Variants in SLC22A15 observed in about 807,000 individuals in gnomAD.
The protein encoded by SLC22A15 is flipt 1.
SLC22A15 carries 45 observed loss-of-function variants against 62.7 expected under a neutral mutation model. That is an observed-to-expected ratio of 0.72 (90% CI 0.56 to 0.92). SLC22A15 has a LOEUF of 0.92. Ranked by LOEUF, SLC22A15 falls within the 40% of genes least tolerant of loss-of-function variation. The pLI is 0.00. For synonymous variants in SLC22A15, 264 were observed against 267.0 expected, an observed-to-expected ratio of 0.99 and a Z score of 0.11; for missense variants, 622 against 665.6, an observed-to-expected ratio of 0.93 and a Z score of 0.72.
chr1:116,016,802 G>A (rs1376434815), intron 2 of SLC22A15, among the ~76,000 whole-genome samples: 1 of 152,026 alleles, frequency 6.6e-6, no homozygotes, highest in Non-Finnish European at 1.5e-5. Flanking sequence ...ACATCTGACA[G>A]TCCTGCCTTC....
At chr1:115,983,028 C>T (rs1340039521) in intron 1 of SLC22A15, among the ~76,000 whole-genome samples, 1 of 152,214 alleles carries the variant, frequency 6.6e-6, no homozygotes, top group Non-Finnish European at 1.5e-5. Context: ...ATAGCATTAA[C>T]TCTTAATAAG....
At chr1:116,001,956 T>A (rs1655757997) in intron 2 of SLC22A15, among the ~76,000 whole-genome samples, 1 of 152,184 alleles carries the variant, frequency 6.6e-6, no homozygotes, top group African/African-American at 2.4e-5. Flanking sequence ...CAGTCTGGGC[T>A]TGTTTGTACT....
chr1:116,027,423 C>T lies in SLC22A15; in HGVS notation c.728+401C>T, dbSNP rs1325431681. The T allele has an allele frequency of 1.0e-5, 5 of 494,400 alleles. 1 individual carries two copies. The highest frequency in any genetic ancestry group is 4.3e-5 in the South Asian group (3 of 69,688). The allele number at this position is 494,400 out of a possible 1,614,324, so 30.6% of individuals were successfully genotyped here. ...TATGTAGTGACAACTGTTCATCCTA[C>T]AGATTAGTGTCATTTCAGGGCCTCT... On this transcript the variant is annotated intron_variant, in intron 5 of 11. Transcript: ENST00000369503.
In SLC22A15 at chr1:116,035,121, T is replaced by C. The variant is rs1334054580; in HGVS notation, c.945-66T>C. ...CAATATTTGAATCTCCTCTGGCAAA[T>C]TCTTATGTACTTTTCTGTTGTCCTT... On this transcript the variant is annotated intron_variant, in intron 6 of 11. Coordinates refer to ENST00000369503, the MANE Select transcript of SLC22A15 (RefSeq NM_018420.3). 2.6e-5 allele frequency: 40 copies of C among 1,516,380 alleles called. No individual in the cohort carries two copies. In the East Asian group the frequency reaches 9.5e-4, roughly 36 times the overall value. 93.9% of individuals were successfully genotyped at this position (1,516,380 alleles called of 1,614,324 possible).
chr1:115,985,824 G>A (rs1199885908), intron 1 of SLC22A15, among the ~76,000 whole-genome samples: 4 of 151,500 alleles, frequency 2.6e-5, no homozygotes, highest in Non-Finnish European at 5.9e-5. Context: ...GCGGGTGCCT[G>A]TAATCCCAGC....
Position 116,026,425 on chromosome 1 carries a change from C to CA in SLC22A15, c.599-458dup, listed in dbSNP as rs954140194. ...TGGGCGACAGAGCGAGATTCTGTCT[C>CA]AAAAAAAAAAGGGAAGGAAGGAAAG... On this transcript the variant is annotated intron_variant, in intron 4 of 11. Transcript: ENST00000369503. Among the ~76,000 whole-genome samples, 767 of 131,018 alleles carry CA rather than the reference C, an allele frequency of 5.9e-3. 2 individuals carry two copies. Among genetic ancestry groups the CA allele is most frequent in the African/African-American group, 8.5e-3 (301 of 35,304 alleles). The allele number at this position is 131,018 out of a possible 152,430, so 86.0% of individuals were successfully genotyped here.
intron 8 of SLC22A15, among the ~76,000 whole-genome samples, chr1:116,045,144 A>G (rs927113500): frequency 2.0e-5 from 3 of 152,030 alleles, no homozygotes; most frequent in Admixed American, 6.5e-5. Flanking sequence ...CCAGGATTCA[A>G]GGGATTCTCC....
intron 3 of SLC22A15, 41 bp from the exon 4 acceptor site, chr1:116,020,680 A>G (rs760052657): frequency 2.1e-5 from 32 of 1,496,926 alleles, no homozygotes; most frequent in South Asian, 5.1e-5. Context: ...ATCAAATGCT[A>G]TTTTGCCTCT....
At chr1:116,031,738 T>C in intron 6 of SLC22A15, 157 bp downstream of exon 6, 1 of 1,442,124 alleles carries the variant, frequency 6.9e-7, no homozygotes, top group Non-Finnish European at 9.1e-7. Flanking sequence ...TAGCGCCTGG[T>C]TTTCTGCTTG....
chr1:116,000,507 C>G (rs979347210), intron 2 of SLC22A15, among the ~76,000 whole-genome samples: 1 of 151,776 alleles, frequency 6.6e-6, no homozygotes, highest in Non-Finnish European at 1.5e-5. Context: ...CTTAGTCTTC[C>G]TATTCAAGAT....
At chr1:116,066,934 T>G in intron 11 of SLC22A15, 85 bp from the exon 12 acceptor site, 2 of 1,108,828 alleles carry the variant, frequency 1.8e-6, no homozygotes, top group East Asian at 2.5e-5. Flanking sequence ...TAAATACATT[T>G]GTCAGTTGAA....
At chr1:116,018,800 A>G (rs1656674936) in intron 2 of SLC22A15, among the ~76,000 whole-genome samples, 1 of 152,194 alleles carries the variant, frequency 6.6e-6, no homozygotes, top group South Asian at 2.1e-4. Flanking sequence ...TTGAAGCTGT[A>G]TATTATTGTT....
chr1:116,057,311 C>T (rs1344710778), intron 8 of SLC22A15, among the ~76,000 whole-genome samples: 1 of 151,872 alleles, frequency 6.6e-6, no homozygotes, highest in African/African-American at 2.4e-5. Context: ...AAAAAATGCT[C>T]ATCATCACTC....
intron 8 of SLC22A15, among the ~76,000 whole-genome samples, chr1:116,047,678 G>C (rs1329858286): frequency 6.6e-6 from 1 of 152,120 alleles, no homozygotes; most frequent in Non-Finnish European, 1.5e-5. Context: ...CATAGGAAAA[G>C]GGGGAGAGTA....
At chr1:115,980,102 G>T (rs796919430) in intron 1 of SLC22A15, among the ~76,000 whole-genome samples, 13 of 151,670 alleles carry the variant, frequency 8.6e-5, no homozygotes, top group African/African-American at 1.9e-4. Context: ...TAGAATGATT[G>T]CAGAAGAGGA....
chr1:116,057,914 G>A (rs987577469), intron 8 of SLC22A15, among the ~76,000 whole-genome samples: 2 of 152,062 alleles, frequency 1.3e-5, no homozygotes, highest in African/African-American at 4.8e-5. Context: ...TTGTTGGGTG[G>A]GGAGAGGGGA....
intron 2 of SLC22A15, among the ~76,000 whole-genome samples, chr1:116,014,238 T>G (rs774011659): frequency 6.6e-6 from 1 of 152,226 alleles, no homozygotes; most frequent in Non-Finnish European, 1.5e-5. Flanking sequence ...CCTGGCTCTG[T>G]GCTCACACCT....
intron 8 of SLC22A15, among the ~76,000 whole-genome samples, chr1:116,053,659 G>A (rs574026226): frequency 1.8e-3 from 275 of 152,254 alleles, no homozygotes; most frequent in Non-Finnish European, 3.1e-3. Flanking sequence ...AGAGAGAAAG[G>A]TTGGGTTACC....
intron 2 of SLC22A15, among the ~76,000 whole-genome samples, chr1:116,008,525 T>G (rs879605985): frequency 2.6e-5 from 4 of 152,130 alleles, no homozygotes; most frequent in Non-Finnish European, 4.4e-5. Context: ...CAAGGGGAGA[T>G]GGGGACATGA....
Sources: gnomAD v4.1 joint callset for allele counts (sites outside exome capture counted in the v4.1 genomes callset) on GRCh38, gnomAD v4.1.1 for gene constraint, MANE v1.5 for transcripts, NCBI Gene and HGNC (gene_info 2026-07-23, HGNC 2026-07-21) for gene names.